SLC36A2: variants seen among roughly 807,000 people sequenced by gnomAD.
SLC36A2 encodes solute carrier family 36 member 2, also known as proton-coupled amino acid transporter 2.
A neutral mutation model predicts 42.7 loss-of-function variants in SLC36A2; 39 were observed. The observed-to-expected ratio is 0.91, with a 90% CI of 0.71 to 1.19. The LOEUF (loss-of-function observed/expected upper bound fraction) is 1.19. Ranked by LOEUF, SLC36A2 falls within the 50% of genes most tolerant of loss-of-function variation. The probability of loss-of-function intolerance (pLI) is 0.00; values close to 1 mark genes in which losing one functional copy is unlikely to be tolerated. For missense variants in SLC36A2, 590 were observed against 613.7 expected, an observed-to-expected ratio of 0.96 and a Z score of 0.41; for synonymous variants, 237 against 240.8, an observed-to-expected ratio of 0.98 and a Z score of 0.15.
chr5:151,342,790 G>A, intron 4 of SLC36A2, 98 bp downstream of exon 4: 1 of 1,001,542 alleles, frequency 1.0e-6, no homozygotes, highest in East Asian at 2.5e-5. Flanking sequence ...ACATAGAAGT[G>A]CCAAACAAAC....
chr5:151,319,280 T>A (rs1197873790), intron 9 of SLC36A2: 1 of 200,856 alleles, frequency 5.0e-6, no homozygotes, highest in Non-Finnish European at 8.9e-6. Flanking sequence ...TGGGGCAAAT[T>A]CCTTGATCTG....
intron 9 of SLC36A2, among the ~76,000 whole-genome samples, chr5:151,318,412 AAAT>A (rs1317438935): frequency 6.3e-5 from 9 of 143,004 alleles, no homozygotes; most frequent in African/African-American, 2.4e-4. Context: ...AATAAATAAA[AAAT>A]AATATAAATA....
intron 7 of SLC36A2, chr5:151,332,303 C>G (rs896236302): frequency 7.5e-6 from 3 of 402,114 alleles, no homozygotes; most frequent in Admixed American, 3.0e-5. Context: ...TAAAACTCAA[C>G]AAAAAGACAA....
intron 9 of SLC36A2, among the ~76,000 whole-genome samples, chr5:151,320,164 A>G (rs7702781): frequency 0.053 from 8,085 of 152,138 alleles, 750 homozygotes; most frequent in African/African-American, 0.19. Flanking sequence ...CTTGAATGTC[A>G]GGATTCTAAC....
At chr5:151,327,374 A>G (rs186232967) in intron 7 of SLC36A2, among the ~76,000 whole-genome samples, 24 of 152,122 alleles carry the variant, frequency 1.6e-4, no homozygotes, top group African/African-American at 5.3e-4. Flanking sequence ...ACCTGCTTCT[A>G]CTCCTATAGC....
At position 151,343,566 on chromosome 5, in the gene SLC36A2, G is replaced by A. The variant is rs749069005; in HGVS notation, c.288C>T (p.Phe96=). The A allele has an allele frequency of 6.2e-7, 1 of 1,614,222 alleles. No individual in the cohort carries two copies. The highest frequency in any genetic ancestry group is 8.5e-7 in the Non-Finnish European group (1 of 1,180,048). ...MGPLSLLVMG[F]IACHCMHILV... ...GGATGTGCATACAGTGGCAGGCAATGAAGCCCATCACCAGCAGACTGAGTG... is the reference window on the plus strand; with the variant it reads ...GGATGTGCATACAGTGGCAGGCAATAAAGCCCATCACCAGCAGACTGAGTG... Residue 96 remains phenylalanine, a synonymous_variant, in exon 3 of 10, where the codon TTC becomes TTT. Coordinates refer to ENST00000335244, the MANE Select transcript of SLC36A2 (RefSeq NM_181776.3).
chr5:151,343,925 G>T (rs1015581520), intron 2 of SLC36A2, among the ~76,000 whole-genome samples: 1 of 152,094 alleles, frequency 6.6e-6, no homozygotes, highest in East Asian at 1.9e-4. Context: ...GGAAAACTGG[G>T]CATAGTCCAA....
chr5:151,335,232 C>T (rs1756116970), intron 6 of SLC36A2, 97 bp downstream of exon 6: 11 of 845,244 alleles, frequency 1.3e-5, no homozygotes, highest in Non-Finnish European at 2.2e-5. Flanking sequence ...ACACTCTTAC[C>T]CACCTACAGG....
intron 1 of SLC36A2, 95 bp downstream of exon 1, chr5:151,347,202 T>G: frequency 6.8e-7 from 1 of 1,469,664 alleles, no homozygotes; most frequent in African/African-American, 1.4e-5. Context: ...ATCTGCACAG[T>G]GGGTTGAGGG....
At chr5:151,329,222 G>A (rs1755928875) in intron 7 of SLC36A2, among the ~76,000 whole-genome samples, 1 of 152,212 alleles carries the variant, frequency 6.6e-6, no homozygotes, top group Non-Finnish European at 1.5e-5. Context: ...CATGAGCAGG[G>A]TAGAGCCAAA....
At chr5:151,321,235 G>GCTCACTGCAGC (rs1269508447) in intron 9 of SLC36A2, among the ~76,000 whole-genome samples, 25 of 151,906 alleles carry the variant, frequency 1.6e-4, no homozygotes, top group Non-Finnish European at 2.9e-4. Flanking sequence ...TTCAATCTCA[G>GCTCACTGCAGC]CTCACTGCAG....
intron 4 of SLC36A2, among the ~76,000 whole-genome samples, chr5:151,339,754 G>C (rs1275840348): frequency 6.6e-6 from 1 of 152,228 alleles, no homozygotes; most frequent in Non-Finnish European, 1.5e-5. Flanking sequence ...ATGTGGGACA[G>C]CAGGCACAAT....
At chr5:151,325,603 T>A in intron 7 of SLC36A2, 151 bp from the exon 8 acceptor site, 1 of 882,032 alleles carries the variant, frequency 1.1e-6, no homozygotes, top group Non-Finnish European at 1.8e-6. Context: ...GCTATTCACA[T>A]AGCCAAAAGG....
intron 6 of SLC36A2, among the ~76,000 whole-genome samples, chr5:151,334,187 C>G (rs1439176366): frequency 6.6e-6 from 1 of 152,138 alleles, no homozygotes; most frequent in Non-Finnish European, 1.5e-5. Flanking sequence ...TTAGGAAATT[C>G]AATTTTATAG....
chr5:151,329,860 G>A (rs1224560721), intron 7 of SLC36A2, among the ~76,000 whole-genome samples: 1 of 152,158 alleles, frequency 6.6e-6, no homozygotes. Context: ...CCCTCAAATA[G>A]GTGGATATTT....
intron 7 of SLC36A2, among the ~76,000 whole-genome samples, chr5:151,328,062 A>AT (rs1363461078): frequency 6.6e-6 from 1 of 152,248 alleles, no homozygotes; most frequent in African/African-American, 2.4e-5. Context: ...GTGGAGAATT[A>AT]GAGTTCAGAG....
intron 2 of SLC36A2, among the ~76,000 whole-genome samples, 192 bp downstream of exon 2, chr5:151,343,984 TG>T (rs1756422009): frequency 6.6e-6 from 1 of 152,112 alleles, no homozygotes. Flanking sequence ...AGCAGGCAAA[TG>T]ACTTACCAAA....
chr5:151,324,361 T>C (rs986997259), intron 8 of SLC36A2, among the ~76,000 whole-genome samples: 10 of 150,580 alleles, frequency 6.6e-5, no homozygotes, highest in Non-Finnish European at 1.5e-4. Context: ...AGATGGAGTT[T>C]CACTCTTGTT....
intron 7 of SLC36A2, among the ~76,000 whole-genome samples, chr5:151,331,275 A>ATTTC (rs371332793): frequency 0.016 from 2,353 of 151,530 alleles, 21 homozygotes; most frequent in South Asian, 0.028. Flanking sequence ...ATGACCTATG[A>ATTTC]TTTCTTTCTT....
Sources: allele counts gnomAD v4.1 joint callset (sites outside exome capture counted in the v4.1 genomes callset), GRCh38; gene constraint gnomAD v4.1.1; transcripts MANE v1.5; gene names NCBI Gene and HGNC (gene_info 2026-07-23, HGNC 2026-07-21).